ULK4: variants seen among roughly 807,000 people sequenced by gnomAD.
The protein encoded by ULK4 is unc-51 like kinase 4, also known as inactive serine/threonine-protein kinase ULK4.
In ULK4, 133 loss-of-function variants were observed where a neutral mutation model predicts 160.6. The ratio of observed to expected loss-of-function variants is 0.83; its 90% CI spans 0.72 to 0.96. ULK4 has a LOEUF of 0.96. Among genes scored for constraint, ULK4 ranks in the 40% least tolerant of loss-of-function variants. The pLI is 0.00. For missense variants in ULK4, 1,580 were observed against 1,499.5 expected (o/e 1.05, Z -0.89); for synonymous variants, 534 against 539.8 (o/e 0.99, Z 0.15).
intron 32 of ULK4, among the ~76,000 whole-genome samples, chr3:41,487,363 T>C (rs1220452100): frequency 6.6e-6 from 1 of 152,162 alleles, no homozygotes; most frequent in Non-Finnish European, 1.5e-5. Flanking sequence ...ATTTTATAGT[T>C]CATTTGAAAA....
At chr3:41,833,139 C>T (rs1048843369) in intron 18 of ULK4, among the ~76,000 whole-genome samples, 19 of 152,258 alleles carry the variant, frequency 1.2e-4, no homozygotes, top group African/African-American at 4.6e-4. Context: ...GCCATTTTCA[C>T]AATATTGATT....
Position 41,366,005 on chromosome 3 carries a change from A to T in ULK4, c.3678+32074T>A, listed in dbSNP as rs150519011. ...CTCAACAAAGGGTGATCTGTTAATT[A>T]TATGTACTGAAAGGCTGCACAGGTT... On this transcript the variant is annotated intron_variant, in intron 35 of 36. Coordinates refer to ENST00000301831, the MANE Select transcript of ULK4 (RefSeq NM_017886.4). Among the ~76,000 whole-genome samples the T allele has an allele frequency of 9.9e-3, 1,502 of 152,346 alleles. 19 individuals are homozygous for T. The highest frequency in any genetic ancestry group is 0.034 in the African/African-American group (1,419 of 41,580).
At chr3:41,867,507 G>A (rs1228551715) in intron 17 of ULK4, among the ~76,000 whole-genome samples, 1 of 152,144 alleles carries the variant, frequency 6.6e-6, no homozygotes, top group Non-Finnish European at 1.5e-5. Context: ...AAGTAGCTGG[G>A]ATTACCGGTG....
rs547994244 is a variant in ULK4 at position 41,676,588 on chromosome 3, T to C, written c.2978+4920A>G. On this transcript the variant is annotated intron_variant, in intron 29 of 36. Transcript: ENST00000301831. ...TTTACATACATGACTTACAAACTTC[T>C]TCAGTTAAAAAAAAAAAATTCTGAA... Among the ~76,000 whole-genome samples the C allele has an allele frequency of 1.3e-3, 201 of 149,172 alleles. 1 individual carries two copies. Among genetic ancestry groups the C allele is most frequent in the African/African-American group, 4.9e-3 (191 of 38,920 alleles).
At position 41,909,879 on chromosome 3, in the gene ULK4, T is replaced by C. The variant is rs951161024; in HGVS notation, c.1085+1438A>G. On this transcript the variant is annotated intron_variant, in intron 11 of 36. Transcript: ENST00000301831. ...CTACGTTAAAAAATATTTTAAATAC[T>C]TTAAATATTTACATACTACTAAATT... 1.2e-4 allele frequency among the ~76,000 whole-genome samples: 18 copies of C among 152,330 alleles called. No homozygotes were observed. In the East Asian group the frequency reaches 3.3e-3, roughly 28 times the overall value.
At chr3:41,269,485 T>C (rs186037564) in intron 35 of ULK4, among the ~76,000 whole-genome samples, 131 of 152,160 alleles carry the variant, frequency 8.6e-4, no homozygotes, top group Admixed American at 2.0e-3. Context: ...GCTCCCTTAA[T>C]TGAGGATATT....
chr3:41,946,918 C>A (rs1456547439), intron 2 of ULK4, among the ~76,000 whole-genome samples: 1 of 152,098 alleles, frequency 6.6e-6, no homozygotes, highest in Non-Finnish European at 1.5e-5. Flanking sequence ...CTATTAGTCA[C>A]CCCCCTGAAT....
chr3:41,769,720 A>G (rs1425084022), intron 21 of ULK4, among the ~76,000 whole-genome samples: 1 of 152,232 alleles, frequency 6.6e-6, no homozygotes, highest in Non-Finnish European at 1.5e-5. Flanking sequence ...CACCACAACC[A>G]AAAATATTTC....
intron 32 of ULK4, among the ~76,000 whole-genome samples, chr3:41,558,578 A>C (rs1795352): frequency 0.5 from 75,330 of 151,448 alleles, 18,965 homozygotes; most frequent in Middle Eastern, 0.59. Context: ...GTGGTGGGCG[A>C]CTGTAATCCC....
intron 31 of ULK4, among the ~76,000 whole-genome samples, chr3:41,611,105 C>T (rs1260629736): frequency 6.6e-6 from 1 of 152,240 alleles, no homozygotes; most frequent in Admixed American, 6.5e-5. Context: ...ATGGACTCTT[C>T]TGATGGCTCA....
At chr3:41,730,933 A>C (rs186340919) in intron 22 of ULK4, among the ~76,000 whole-genome samples, 3 of 152,264 alleles carry the variant, frequency 2.0e-5, no homozygotes, top group South Asian at 2.1e-4. Flanking sequence ...AACAAAAACC[A>C]TATGATTTCA....
intron 32 of ULK4, among the ~76,000 whole-genome samples, chr3:41,554,332 G>A (rs2087201570): frequency 6.6e-6 from 1 of 152,142 alleles, no homozygotes; most frequent in African/African-American, 2.4e-5. Flanking sequence ...AATGGATAAA[G>A]ATAACGTAAT....
At chr3:41,635,272 T>C (rs934392360) in intron 30 of ULK4, among the ~76,000 whole-genome samples, 11 of 152,184 alleles carry the variant, frequency 7.2e-5, no homozygotes, top group Non-Finnish European at 1.3e-4. Context: ...GGCTATCTTG[T>C]TGACCATGAA....
At chr3:41,556,487 C>CTTTT (rs34888775) in intron 32 of ULK4, among the ~76,000 whole-genome samples, 4,377 of 116,988 alleles carry the variant, frequency 0.037, 310 homozygotes, top group African/African-American at 0.088. Flanking sequence ...CTCTACCAAA[C>CTTTT]TTTTTTTTTT....
intron 2 of ULK4, among the ~76,000 whole-genome samples, chr3:41,951,070 G>C (rs1049320682): frequency 1.3e-5 from 2 of 150,234 alleles, no homozygotes; most frequent in African/African-American, 4.9e-5. Flanking sequence ...CGTGAACCCC[G>C]GGAGGCGGAG....
chr3:41,917,070 A>C (rs1698993103), intron 7 of ULK4, among the ~76,000 whole-genome samples: 1 of 152,196 alleles, frequency 6.6e-6, no homozygotes, highest in South Asian at 2.1e-4. Context: ...AACTAAGAAT[A>C]TTTGCAATCC....
At chr3:41,906,398 A>AAGT (rs1342453432) in intron 12 of ULK4, among the ~76,000 whole-genome samples, 13 of 152,126 alleles carry the variant, frequency 8.5e-5, no homozygotes, top group African/African-American at 3.1e-4. Flanking sequence ...GTGTGGTGGC[A>AAGT]TATGCCTGTA....
At chr3:41,845,124 C>G (rs542178778) in intron 17 of ULK4, among the ~76,000 whole-genome samples, 1 of 152,280 alleles carries the variant, frequency 6.6e-6, no homozygotes, top group South Asian at 2.1e-4. Flanking sequence ...CACCACCACG[C>G]CCGGCTAATT....
chr3:41,406,861 G>C (rs573284343), intron 34 of ULK4, among the ~76,000 whole-genome samples: 1 of 152,298 alleles, frequency 6.6e-6, no homozygotes, highest in South Asian at 2.1e-4. Flanking sequence ...TAAGACACTA[G>C]ACATAAGATA....
Sources: gnomAD v4.1 joint callset for allele counts (sites outside exome capture counted in the v4.1 genomes callset) on GRCh38, gnomAD v4.1.1 for gene constraint, MANE v1.5 for transcripts, NCBI Gene and HGNC (gene_info 2026-07-23, HGNC 2026-07-21) for gene names.